The following MVB12B variants were observed in gnomAD, a reference collection of about 807,000 sequenced individuals.
MVB12B encodes the protein multivesicular body subunit 12B.
MVB12B carries 16 observed loss-of-function variants against 41.6 expected under a neutral mutation model. The observed-to-expected ratio is 0.38, with a 90% CI of 0.26 to 0.58. The LOEUF is 0.58. Ranked by LOEUF, MVB12B falls within the 20% of genes least tolerant of loss-of-function variation. The probability of loss-of-function intolerance (pLI) is 0.62; values close to 1 mark genes in which losing one functional copy is unlikely to be tolerated. For synonymous variants in MVB12B, 133 were observed against 139.7 expected, an observed-to-expected ratio of 0.95 and a Z score of 0.34; for missense variants, 274 against 380.2, an observed-to-expected ratio of 0.72 and a Z score of 2.32.
chr9:126,488,422 G>A (rs765235455), intron 9 of MVB12B, among the ~76,000 whole-genome samples: 42 of 151,070 alleles, frequency 2.8e-4, no homozygotes, highest in Non-Finnish European at 4.7e-4. Context: ...ACCTTTGACC[G>A]TGCCTCCCGC....
intron 6 of MVB12B, among the ~76,000 whole-genome samples, chr9:126,404,372 A>C (rs990383869): frequency 2.0e-5 from 3 of 152,192 alleles, no homozygotes; most frequent in African/African-American, 7.2e-5. Context: ...TACAGTTAGC[A>C]AGTGTCAGGG....
rs1014182970 is a variant in MVB12B at position 126,480,678 on chromosome 9, GTGAC to G, written c.758-687_758-684del. ...TCAGCCCTTGATGCCCTGGGTCTGA[GTGAC>G]TGAGAGCGACAGCCACTGTTGCCCC... On this transcript the variant is annotated intron_variant, in intron 7 of 9. Transcript: ENST00000361171. The surrounding 1 kb of genome is among the most constrained non-coding windows in gnomAD (Gnocchi z 4.9). 1.3e-5 allele frequency: 2 copies of G among 152,312 alleles called. No homozygotes were observed. The highest frequency in any genetic ancestry group is 3.1e-3 in the Middle Eastern group (1 of 318). The allele number at this position is 152,312 out of a possible 1,614,324, so 9.4% of individuals were successfully genotyped here. A position where few individuals can be genotyped will look rare whatever the true frequency, so the allele number is the denominator to read the frequency against.
intron 2 of MVB12B, among the ~76,000 whole-genome samples, chr9:126,372,944 C>T (rs1344823780): frequency 6.6e-6 from 1 of 152,044 alleles, no homozygotes; most frequent in Non-Finnish European, 1.5e-5. Context: ...TTAGGAAAGA[C>T]CTGTCTGAGA....
chr9:126,472,945 A>G (rs1471642312), intron 7 of MVB12B, among the ~76,000 whole-genome samples: 5 of 152,130 alleles, frequency 3.3e-5, no homozygotes, highest in Non-Finnish European at 7.3e-5. Context: ...GCATTTTGTT[A>G]AAACTGCCAC....
chr9:126,337,967 A>G (rs1217120349), intron 1 of MVB12B, among the ~76,000 whole-genome samples: 1 of 152,202 alleles, frequency 6.6e-6, no homozygotes, highest in Non-Finnish European at 1.5e-5. Context: ...AAGTGCCGGT[A>G]GAGACGCAGT....
chr9:126,362,684 A>G (rs1207572244), intron 2 of MVB12B, among the ~76,000 whole-genome samples: 1 of 152,254 alleles, frequency 6.6e-6, no homozygotes. Flanking sequence ...CATTCTCTCA[A>G]ATTACCAAGG....
At chr9:126,405,123 T>C (rs1831383070) in intron 6 of MVB12B, among the ~76,000 whole-genome samples, 1 of 152,194 alleles carries the variant, frequency 6.6e-6, no homozygotes, top group Non-Finnish European at 1.5e-5. Flanking sequence ...GGCCTTGGCG[T>C]TCGCAGTCTC....
intron 2 of MVB12B, among the ~76,000 whole-genome samples, chr9:126,361,111 A>G (rs970057968): frequency 6.6e-6 from 1 of 152,000 alleles, no homozygotes; most frequent in Non-Finnish European, 1.5e-5. Context: ...TTTTTGTTTA[A>G]TTAATTTTTT....
chr9:126,458,017 A>G (rs1419889952), intron 7 of MVB12B, among the ~76,000 whole-genome samples: 1 of 152,150 alleles, frequency 6.6e-6, no homozygotes, highest in African/African-American at 2.4e-5. Context: ...CATTCTCACC[A>G]TCTCCTTGAG....
At chr9:126,440,752 TTTTCTAA>T (rs1832614121) in intron 7 of MVB12B, among the ~76,000 whole-genome samples, 1 of 152,154 alleles carries the variant, frequency 6.6e-6, no homozygotes, top group African/African-American at 2.4e-5. Context: ...GTTCAGAGAC[TTTTCTAA>T]TTACTAAATT....
intron 2 of MVB12B, among the ~76,000 whole-genome samples, chr9:126,361,614 G>A (rs943397572): frequency 3.3e-5 from 5 of 151,814 alleles, no homozygotes; most frequent in Non-Finnish European, 5.9e-5. Context: ...TCATAGTGTT[G>A]GTTTGTTGGT....
rs1392963148 is a variant in MVB12B, at chr9:126,505,283, C to T, written c.*2020C>T. 2 of 152,192 alleles carry T rather than the reference C, an allele frequency of 1.3e-5. No individual in the cohort carries two copies. The highest frequency in any genetic ancestry group is 2.1e-4 in the South Asian group (1 of 4,834). The allele number at this position is 152,192 out of a possible 1,614,324, so 9.4% of individuals were successfully genotyped here. A position where few individuals can be genotyped will look rare whatever the true frequency, so the allele number is the denominator to read the frequency against. ...GGTGTGGGAGCCCTGTCTGCAAGGA[C>T]GCAGAATAAGCAGTGAGGGCGGCTG... On this transcript the variant is annotated 3_prime_UTR_variant, in exon 10 of 10. Coordinates refer to ENST00000361171, the MANE Select transcript of MVB12B (RefSeq NM_033446.3).
chr9:126,347,965 C>T (rs570927749), intron 2 of MVB12B, among the ~76,000 whole-genome samples: 1 of 152,316 alleles, frequency 6.6e-6, no homozygotes, highest in Non-Finnish European at 1.5e-5. Context: ...CAGTTAGTTG[C>T]CCCTCCTGGA....
chr9:126,388,226 C>T (rs952034646), intron 4 of MVB12B, among the ~76,000 whole-genome samples: 2 of 152,156 alleles, frequency 1.3e-5, no homozygotes, highest in African/African-American at 4.8e-5. Context: ...CCTAGGCAAC[C>T]ACTGATCTAC....
At chr9:126,490,123 T>G (rs1479270697) in intron 9 of MVB12B, among the ~76,000 whole-genome samples, 1 of 152,244 alleles carries the variant, frequency 6.6e-6, no homozygotes, top group Non-Finnish European at 1.5e-5. Context: ...ATATTCTCTG[T>G]CTCTGCCGCT....
At chr9:126,482,273 T>G (rs1833539579) in intron 8 of MVB12B, among the ~76,000 whole-genome samples, 1 of 152,274 alleles carries the variant, frequency 6.6e-6, no homozygotes, top group African/African-American at 2.4e-5. Flanking sequence ...GAAGTTGGCC[T>G]TGACTAGCTA....
chr9:126,442,095 C>G (rs932582681), intron 7 of MVB12B, among the ~76,000 whole-genome samples: 4 of 152,200 alleles, frequency 2.6e-5, no homozygotes, highest in African/African-American at 9.7e-5. Flanking sequence ...TCCCTTGAAT[C>G]TGAGATGTAC....
At chr9:126,437,381 G>C (rs566426118) in intron 7 of MVB12B, among the ~76,000 whole-genome samples, 1 of 152,056 alleles carries the variant, frequency 6.6e-6, no homozygotes, top group African/African-American at 2.4e-5. Flanking sequence ...TTGATTTCCC[G>C]GAACTGATAT....
chr9:126,453,232 G>A (rs752164917), intron 7 of MVB12B, among the ~76,000 whole-genome samples: 12 of 152,156 alleles, frequency 7.9e-5, no homozygotes, highest in Admixed American at 7.2e-4. Flanking sequence ...CCCCACAGAC[G>A]TGCCACCTCC....
Sources: gnomAD v4.1 joint callset for allele counts (sites outside exome capture counted in the v4.1 genomes callset) on GRCh38, gnomAD v4.1.1 for gene constraint, Gnocchi (gnomAD v3.1) non-coding constraint, MANE v1.5 for transcripts, NCBI Gene and HGNC (gene_info 2026-07-23, HGNC 2026-07-21) for gene names.